The following PCDH11Y variants were observed in gnomAD, a reference collection of about 807,000 sequenced individuals.
PCDH11Y encodes protocadherin-11 Y-linked.
For missense variants in PCDH11Y, 12 were observed against 224.8 expected, an observed-to-expected ratio of 0.05 and a Z score of 6.05; for synonymous variants, 9 against 83.6, an observed-to-expected ratio of 0.11 and a Z score of 4.87.
chrY:5,532,913 C>G, intron 3 of PCDH11Y, among the ~76,000 whole-genome samples: 1 of 25,108 alleles, frequency 4.0e-5, no homozygotes. Flanking sequence ...CTCACTGCAA[C>G]CTCTGCCTCC....
chrY:5,520,528 G>C, intron 3 of PCDH11Y, among the ~76,000 whole-genome samples: 3 of 32,864 alleles, frequency 9.1e-5, no homozygotes, highest in Non-Finnish European at 2.2e-4. Flanking sequence ...GTTACCTATT[G>C]ATATTTTCAA....
intron 3 of PCDH11Y, among the ~76,000 whole-genome samples, chrY:5,576,350 G>A (rs2124696924): frequency 1.2e-4 from 4 of 32,094 alleles, no homozygotes; most frequent in African/African-American, 4.8e-4. Flanking sequence ...TAACTGAGAA[G>A]GATTTTAAAT....
At chrY:5,075,090 T>C in intron 1 of PCDH11Y, among the ~76,000 whole-genome samples, 1 of 32,846 alleles carries the variant, frequency 3.0e-5, no homozygotes, top group Non-Finnish European at 7.6e-5. Context: ...CATCTAGAAT[T>C]AGGCAAAGGA....
intron 2 of PCDH11Y, among the ~76,000 whole-genome samples, chrY:5,200,235 G>C: frequency 3.1e-5 from 1 of 32,753 alleles, no homozygotes; most frequent in South Asian, 7.0e-4. Context: ...GCCAGGTGAA[G>C]AAAGCTAGCA....
At chrY:5,107,864 C>T (rs1393760245), downstream of PCDH11Y, among the ~76,000 whole-genome samples, 197 of 32,361 alleles carry the variant, frequency 6.1e-3, no homozygotes, top group Non-Finnish European at 0.011. Context: ...TCGAGACCAT[C>T]CTGGCTAACA....
chrY:5,150,255 G>A lies in PCDH11Y; in HGVS notation c.3129+49548G>A. 9.2e-5 allele frequency among the ~76,000 whole-genome samples: 3 copies of A among 32,555 alleles called. No homozygotes were observed. In the South Asian group the frequency reaches 2.0e-3, roughly 22 times the overall value. The allele number at this position is 32,555 out of a possible 37,273, so 87.3% of individuals were successfully genotyped here. A position where few individuals can be genotyped will look rare whatever the true frequency, so the allele number is the denominator to read the frequency against. Reference sequence around the variant, plus strand: ...CGTTGCAATACATATAATGTATAGTGATCAGATCAGGGTCATTAGCATATT... The same window carrying A: ...CGTTGCAATACATATAATGTATAGTAATCAGATCAGGGTCATTAGCATATT... On this transcript the variant is annotated intron_variant, in intron 2 of 4. Coordinates refer to the PCDH11Y transcript ENST00000400457.
intron 3 of PCDH11Y, among the ~76,000 whole-genome samples, chrY:5,575,796 T>A (rs1602945445): frequency 5.5e-4 from 18 of 32,826 alleles, no homozygotes; most frequent in Admixed American, 4.8e-3. Context: ...TACATTATTA[T>A]CTTGGAGGCA....
intron 1 of PCDH11Y, among the ~76,000 whole-genome samples, chrY:5,068,724 T>C: frequency 2.2e-4 from 7 of 32,066 alleles, no homozygotes; most frequent in Admixed American, 2.0e-3. Flanking sequence ...GACTACAGGC[T>C]AGCACTACCA....
At chrY:5,599,420 C>T in intron 4 of PCDH11Y, among the ~76,000 whole-genome samples, 1 of 32,457 alleles carries the variant, frequency 3.1e-5, no homozygotes, top group African/African-American at 1.2e-4. Flanking sequence ...TATTTATTCC[C>T]CATTAGTTTT....
rs60771778 is a variant in PCDH11Y at position 5,129,478 on chromosome Y, C to CAGAGAG, written c.3129+28798_3129+28803dup. On this transcript the variant is annotated intron_variant, in intron 2 of 4. Transcript: ENST00000400457. ...ACACACACATACCCACACACACACA[C>CAGAGAG]AGAGAGAGAGAGAGAGAGAGAGAGA... is the stretch of plus-strand genomic sequence containing the variant. Among the ~76,000 whole-genome samples, 43 of 12,422 alleles carry CAGAGAG rather than the reference C, an allele frequency of 3.5e-3. No individual in the cohort carries two copies. In the East Asian group the frequency reaches 0.043, roughly 12 times the overall value. 33.3% of individuals were successfully genotyped at this position (12,422 alleles called of 37,273 possible).
intron 2 of PCDH11Y, among the ~76,000 whole-genome samples, chrY:5,343,167 A>AT (rs2053147266): frequency 3.2e-5 from 1 of 31,664 alleles, no homozygotes; most frequent in Non-Finnish European, 7.7e-5. Context: ...TTCTATTAGT[A>AT]TTTTTTTTCA....
chrY:5,015,161 C>G, intron 1 of PCDH11Y, among the ~76,000 whole-genome samples: 1 of 33,666 alleles, frequency 3.0e-5, no homozygotes, highest in Non-Finnish European at 7.4e-5. Flanking sequence ...TTGAAAGAAG[C>G]CTTTACATAT....
At chrY:5,384,014 A>C in intron 2 of PCDH11Y, among the ~76,000 whole-genome samples, 1 of 33,812 alleles carries the variant, frequency 3.0e-5, no homozygotes, top group African/African-American at 1.2e-4. Context: ...AAATAAGTAC[A>C]TATTACAAAA....
chrY:5,614,077 G>T (rs2053490634), intron 4 of PCDH11Y, among the ~76,000 whole-genome samples: 35 of 16,598 alleles, frequency 2.1e-3, no homozygotes, highest in Non-Finnish European at 3.9e-3. Flanking sequence ...AGACTACAGG[G>T]TGCCATTCTA....
At chrY:5,184,079 C>T in intron 2 of PCDH11Y, among the ~76,000 whole-genome samples, 1 of 31,704 alleles carries the variant, frequency 3.2e-5, no homozygotes, top group Non-Finnish European at 7.5e-5. Context: ...ACATTTATAT[C>T]CTTTAACCAA....
chrY:5,263,374 T>C (rs2124658450), intron 2 of PCDH11Y, among the ~76,000 whole-genome samples: 15 of 29,960 alleles, frequency 5.0e-4, no homozygotes, highest in Middle Eastern at 0.014. Context: ...TCTCAGGAGA[T>C]CTGATGGTTT....
intron 2 of PCDH11Y, among the ~76,000 whole-genome samples, chrY:5,494,538 GAC>G (rs750654504): frequency 2.5e-3 from 69 of 27,666 alleles, no homozygotes; most frequent in East Asian, 4.7e-3. Flanking sequence ...CACACACACA[GAC>G]ACACACACAC....
chrY:5,240,165 G>T (rs2052986554), intron 2 of PCDH11Y, among the ~76,000 whole-genome samples: 1 of 33,655 alleles, frequency 3.0e-5, no homozygotes, highest in Non-Finnish European at 7.4e-5. Flanking sequence ...TTCGTAAGAA[G>T]CAACTTTGTA....
chrY:5,435,427 C>T, intron 2 of PCDH11Y, among the ~76,000 whole-genome samples: 1 of 29,608 alleles, frequency 3.4e-5, no homozygotes, highest in Admixed American at 3.1e-4. Context: ...CATTCTCCTG[C>T]CTCAGCCTCC....
Sources: allele counts gnomAD v4.1 joint callset (sites outside exome capture counted in the v4.1 genomes callset), GRCh38; gene constraint gnomAD v4.1.1; transcripts MANE v1.5; gene names NCBI Gene and HGNC (gene_info 2026-07-23, HGNC 2026-07-21).